The following HMGXB3 variants were observed in gnomAD, a reference collection of about 807,000 sequenced individuals.
HMGXB3 encodes the protein HMG-box containing 3, also known as HMG domain-containing protein 3.
A neutral mutation model predicts 121.5 loss-of-function variants in HMGXB3; 45 were observed. That is an observed-to-expected ratio of 0.37 (90% CI 0.29 to 0.47). The LOEUF (loss-of-function observed/expected upper bound fraction) is 0.47. Among genes scored for constraint, HMGXB3 ranks in the 20% least tolerant of loss-of-function variants. The probability of loss-of-function intolerance (pLI) is 0.99; values close to 1 mark genes in which losing one functional copy is unlikely to be tolerated. For synonymous variants in HMGXB3, 590 were observed against 624.1 expected, an observed-to-expected ratio of 0.95 and a Z score of 0.81; for missense variants, 1,376 against 1,602.2, an observed-to-expected ratio of 0.86 and a Z score of 2.41.
chr5:150,050,388 G>C lies in HMGXB3; in HGVS notation c.3338G>C (p.Cys1113Ser). The change falls in exon 19 of 20, where the codon TGC becomes TCC. Residue 1113 changes from cysteine (C) to serine (S), a missense_variant. Transcript: ENST00000502717. Reference sequence around the variant, plus strand: ...TCAGTGGCCCTGTGTGCTGACCTCTGCTACCCAGAGCTGACTAACCAGATG... The same window carrying C: ...TCAGTGGCCCTGTGTGCTGACCTCTCCTACCCAGAGCTGACTAACCAGATG... ...ATSVALCADL[C>S]YPELTNQMWG... The C allele has an allele frequency of 6.4e-7, 1 of 1,551,762 alleles. No individual in the cohort carries two copies. Among genetic ancestry groups the C allele is most frequent in the Non-Finnish European group, 8.7e-7 (1 of 1,147,000 alleles).
rs1438107870 is a variant in HMGXB3, at chr5:150,012,239, T to C, written c.811-16T>C. On this transcript the variant is annotated splice_polypyrimidine_tract_variant and intron_variant, in intron 4 of 19. Coordinates refer to ENST00000502717, the MANE Select transcript of HMGXB3 (RefSeq NM_014983.3). ...CTCTGTTTCAGTGAAACTGTCCTTCTCTTCATTGCCCATAGGATTCCAGTG... is the reference window on the plus strand; with the variant it reads ...CTCTGTTTCAGTGAAACTGTCCTTCCCTTCATTGCCCATAGGATTCCAGTG... 2.6e-6 allele frequency: 4 copies of C among 1,536,786 alleles called. No individual in the cohort carries two copies. Among genetic ancestry groups the C allele is most frequent in the Non-Finnish European group, 3.5e-6 (4 of 1,132,934 alleles).
intron 6 of HMGXB3, among the ~76,000 whole-genome samples, chr5:150,021,138 G>A (rs1756082957): frequency 6.6e-6 from 1 of 152,120 alleles, no homozygotes. Context: ...TGCTAAGTCA[G>A]AATTTACCAA....
intron 5 of HMGXB3, among the ~76,000 whole-genome samples, chr5:150,018,203 T>G (rs1756002944): frequency 6.6e-6 from 1 of 152,234 alleles, no homozygotes; most frequent in African/African-American, 2.4e-5. Flanking sequence ...GCAAAGCATT[T>G]AAACCTCAGT....
chr5:150,028,635 T>C (rs935392189), intron 9 of HMGXB3, among the ~76,000 whole-genome samples: 14 of 145,690 alleles, frequency 9.6e-5, no homozygotes, highest in African/African-American at 3.0e-4. Flanking sequence ...GGTGCAATCA[T>C]AGCTCACTGC....
Position 150,044,864 on chromosome 5 carries a change from T to A in HMGXB3, c.2731-602T>A, listed in dbSNP as rs1756721530. Among the ~76,000 whole-genome samples, 3 of 152,196 alleles carry A rather than the reference T, an allele frequency of 2.0e-5. No homozygotes were observed. In the South Asian group the frequency reaches 6.2e-4, roughly 32 times the overall value. ...AAAAATTGAGTAGCACAAGCGCTAT[T>A]AATAGATGTCTATAAGAGATAAGTA... On this transcript the variant is annotated intron_variant, in intron 15 of 19. Coordinates refer to ENST00000502717, the MANE Select transcript of HMGXB3 (RefSeq NM_014983.3).
chr5:150,047,044 C>A, intron 16 of HMGXB3, among the ~76,000 whole-genome samples: 1 of 151,832 alleles, frequency 6.6e-6, no homozygotes, highest in East Asian at 2.0e-4. Context: ...GCCACCACAC[C>A]ACCACACCTG....
At chr5:150,001,939 C>T (rs1755580532) in intron 1 of HMGXB3, among the ~76,000 whole-genome samples, 1 of 152,210 alleles carries the variant, frequency 6.6e-6, no homozygotes, top group Non-Finnish European at 1.5e-5. Context: ...GGCAAAAAAG[C>T]GCAGTCCCCA....
In HMGXB3 at chr5:150,039,867, A is replaced by T. The variant is rs893390193; in HGVS notation, c.2414-881A>T. Among the ~76,000 whole-genome samples, 17 of 152,294 alleles carry T rather than the reference A, an allele frequency of 1.1e-4. 2 individuals are homozygous for T. The highest frequency in any genetic ancestry group is 4.6e-4 in the Admixed American group (7 of 15,302). ...TCTTCACTGGGAACACATACTCCAA[A>T]ATTTGCTTTTGTGCAGATTAGTGCA... On this transcript the variant is annotated intron_variant, in intron 13 of 19. Transcript: ENST00000502717.
At chr5:150,024,709 G>A in intron 7 of HMGXB3, 29 bp downstream of exon 7, 1 of 1,476,470 alleles carries the variant, frequency 6.8e-7, no homozygotes, top group Non-Finnish European at 9.0e-7. Flanking sequence ...ATAATATAGG[G>A]CTTTGGAAAT....
chr5:150,048,881 C>G (rs1417015485), intron 18 of HMGXB3, among the ~76,000 whole-genome samples, 196 bp downstream of exon 18: 1 of 152,152 alleles, frequency 6.6e-6, no homozygotes, highest in Non-Finnish European at 1.5e-5. Flanking sequence ...TTTAAGCACC[C>G]TACCACATCC....
At chr5:150,042,775 T>G (rs1756668176) in intron 15 of HMGXB3, among the ~76,000 whole-genome samples, 1 of 152,048 alleles carries the variant, frequency 6.6e-6, no homozygotes, top group Non-Finnish European at 1.5e-5. Context: ...AACTGAAAAA[T>G]TTTCACACAA....
Position 150,045,648 on chromosome 5 carries a change from T to G in HMGXB3, c.2913T>G (p.Thr971=), listed in dbSNP as rs1756737872. ...TGAGAGGAGCTGTGGTCGTCAACAC[T>G]GAGAAAGACAAAAACCTGGATGTGC... ...PLMRGAVVVN[T]EKDKNLDVQP... Residue 971 remains threonine (T), a synonymous_variant, in exon 16 of 20, where the codon ACT becomes ACG. Coordinates refer to ENST00000502717, the MANE Select transcript of HMGXB3 (RefSeq NM_014983.3). 4 of 1,551,672 alleles carry G rather than the reference T, an allele frequency of 2.6e-6. No individual in the cohort carries two copies. The East Asian group carries it at 9.8e-5, about 38-fold the overall frequency.
chr5:150,016,582 T>G (rs564972873), intron 5 of HMGXB3, among the ~76,000 whole-genome samples: 2 of 152,298 alleles, frequency 1.3e-5, no homozygotes, highest in South Asian at 4.1e-4. Flanking sequence ...AAAATTATTG[T>G]TACATCAAGA....
At chr5:150,011,932 A>G (rs1755850445) in intron 4 of HMGXB3, among the ~76,000 whole-genome samples, 1 of 152,164 alleles carries the variant, frequency 6.6e-6, no homozygotes, top group South Asian at 2.1e-4. Context: ...TGTTTAAAGC[A>G]GGTAAATAGG....
At chr5:150,042,389 AAC>A (rs1561883367) in intron 15 of HMGXB3, among the ~76,000 whole-genome samples, 1 of 152,274 alleles carries the variant, frequency 6.6e-6, no homozygotes. Flanking sequence ...AGAGAGAGAG[AAC>A]AGTGTCATGG....
intron 5 of HMGXB3, among the ~76,000 whole-genome samples, chr5:150,016,174 G>A (rs986586653): frequency 5.3e-5 from 8 of 151,886 alleles, no homozygotes; most frequent in Non-Finnish European, 7.4e-5. Context: ...GGGAGACCCC[G>A]TCTCTACAAA....
At chr5:150,017,239 T>C (rs1755979538) in intron 5 of HMGXB3, among the ~76,000 whole-genome samples, 1 of 152,218 alleles carries the variant, frequency 6.6e-6, no homozygotes, top group South Asian at 2.1e-4. Flanking sequence ...CCATGGTAAT[T>C]TACTTATGAA....
At chr5:150,012,475 T>C in intron 5 of HMGXB3, 122 bp downstream of exon 5, 1 of 700,040 alleles carries the variant, frequency 1.4e-6, no homozygotes, top group South Asian at 1.7e-5. Context: ...TTTCTAAAAG[T>C]CTTAGAACCT....
chr5:150,049,052 A>T (rs866239699), intron 18 of HMGXB3, among the ~76,000 whole-genome samples: 4 of 152,334 alleles, frequency 2.6e-5, no homozygotes, highest in South Asian at 2.1e-4. Context: ...ATAGAAAGTA[A>T]CAGGGAGGAA....
Sources: allele counts gnomAD v4.1 joint callset (sites outside exome capture counted in the v4.1 genomes callset), GRCh38; gene constraint gnomAD v4.1.1; transcripts MANE v1.5; gene names NCBI Gene and HGNC (gene_info 2026-07-23, HGNC 2026-07-21).